The following DPRX variants were observed in gnomAD, a reference collection of about 807,000 sequenced individuals.
DPRX encodes the protein divergent paired-related homeobox.
In DPRX, 11 loss-of-function variants were observed where a neutral mutation model predicts 8.4. The ratio of observed to expected loss-of-function variants is 1.31; its 90% CI spans 0.82 to 2.17. The LOEUF (loss-of-function observed/expected upper bound fraction) is 2.17. DPRX is among the 30% of genes most tolerant of loss of function. The pLI is 0.00. For missense variants in DPRX, 211 were observed against 236.7 expected (o/e 0.89, Z 0.71); for synonymous variants, 72 against 87.0 (o/e 0.83, Z 0.96).
At chr19:53,623,907 G>A in the DPRX span, among the ~76,000 whole-genome samples, 6 of 148,748 alleles carry the variant, frequency 4.0e-5, no homozygotes, top group Non-Finnish European at 8.9e-5. Context: ...CCAAGATTGC[G>A]CCATTGCACT....
At chr19:53,627,409 G>T (rs967381899), upstream of DPRX, among the ~76,000 whole-genome samples, 1 of 150,288 alleles carries the variant, frequency 6.7e-6, no homozygotes, top group Non-Finnish European at 1.5e-5. Flanking sequence ...GAAGGACTTG[G>T]AAGGGAGAGA....
the DPRX span, chr19:53,601,157 C>T: frequency 3.8e-5 from 16 of 421,740 alleles, 2 homozygotes; most frequent in South Asian, 8.5e-5. Flanking sequence ...GCTGGGACTA[C>T]AGGCACACCC....
the DPRX span, among the ~76,000 whole-genome samples, chr19:53,620,500 T>C: frequency 6.6e-6 from 1 of 151,804 alleles, no homozygotes; most frequent in South Asian, 2.1e-4. Flanking sequence ...GCAGCTGGGA[T>C]TACAGACATG....
At chr19:53,632,445 C>CGT (rs2091096567) in intron 1 of DPRX, among the ~76,000 whole-genome samples, 2 of 148,848 alleles carry the variant, frequency 1.3e-5, no homozygotes, top group African/African-American at 5.0e-5. Flanking sequence ...GGATGACAGG[C>CGT]ACACGCCACC....
the DPRX span, chr19:53,606,894 AGCCCAAACAGT>A: frequency 6.5e-6 from 1 of 152,672 alleles, no homozygotes; most frequent in African/African-American, 2.4e-5. This position sits in a 1 kb window ranked among gnomAD's most constrained non-coding sequence, Gnocchi z 4.8. Flanking sequence ...GCCCAGCGGC[AGCCCAAACAGT>A]GCCCAAACCC....
chr19:53,614,787 T>C, the DPRX span, among the ~76,000 whole-genome samples: 1 of 151,932 alleles, frequency 6.6e-6, no homozygotes, highest in Admixed American at 6.6e-5. Flanking sequence ...AGGTCTGCAG[T>C]TCATTTGTAG....
the DPRX span, among the ~76,000 whole-genome samples, chr19:53,624,160 T>C: frequency 3.8e-5 from 5 of 130,344 alleles, no homozygotes; most frequent in Non-Finnish European, 7.9e-5. Context: ...CAATCTCGAC[T>C]CACTTCAACC....
chr19:53,632,346 G>C (rs2091095951), intron 1 of DPRX, among the ~76,000 whole-genome samples: 1 of 152,104 alleles, frequency 6.6e-6, no homozygotes, highest in Admixed American at 6.6e-5. Flanking sequence ...TGTCGCTCAG[G>C]CTGGAGTGCA....
At chr19:53,614,452 AC>A in the DPRX span, among the ~76,000 whole-genome samples, 1 of 152,054 alleles carries the variant, frequency 6.6e-6, no homozygotes, top group Non-Finnish European at 1.5e-5. Context: ...TAATCTCAAT[AC>A]TTTCAGAGGC....
At chr19:53,630,314 C>T (rs1375932912), upstream of DPRX, among the ~76,000 whole-genome samples, 2 of 151,890 alleles carry the variant, frequency 1.3e-5, no homozygotes, top group African/African-American at 4.8e-5. Context: ...AATCCCAGCA[C>T]TTTGGGAGGC....
the DPRX span, among the ~76,000 whole-genome samples, chr19:53,626,691 T>G: frequency 2.0e-5 from 3 of 151,582 alleles, no homozygotes; most frequent in African/African-American, 7.3e-5. Context: ...AGGCGTGAGG[T>G]TCTCATGGGC....
the DPRX span, among the ~76,000 whole-genome samples, chr19:53,623,310 A>AAAAAAAATAAAT: frequency 1.7e-3 from 226 of 134,014 alleles, no homozygotes; most frequent in African/African-American, 2.6e-3. Context: ...CTGTCTCAAA[A>AAAAAAAATAAAT]AAATAAATAA....
the DPRX span, among the ~76,000 whole-genome samples, chr19:53,613,838 A>G: frequency 3.3e-5 from 5 of 152,162 alleles, no homozygotes; most frequent in South Asian, 4.1e-4. Flanking sequence ...CACTTCTCCA[A>G]TGACGAAGGA....
exon 3 of DPRX, chr19:53,636,609 A>T: frequency 1.9e-6 from 3 of 1,610,704 alleles, no homozygotes; most frequent in African/African-American, 1.3e-5. Context: ...TGGTTCAAGA[A>T]TCACAGAGCA....
chr19:53,628,567 C>G (rs2091079524), upstream of DPRX, among the ~76,000 whole-genome samples: 1 of 151,710 alleles, frequency 6.6e-6, no homozygotes, highest in Non-Finnish European at 1.5e-5. Context: ...ACCACCACCT[C>G]TAGGTAGTTC....
chr19:53,624,312 C>T, the DPRX span, among the ~76,000 whole-genome samples: 1 of 147,058 alleles, frequency 6.8e-6, no homozygotes, highest in African/African-American at 2.5e-5. Context: ...TGGTCTCAAA[C>T]TCCTGACCTC....
chr19:53,633,561 G>A (rs1462461675), intron 1 of DPRX, among the ~76,000 whole-genome samples: 2 of 152,012 alleles, frequency 1.3e-5, no homozygotes, highest in Non-Finnish European at 2.9e-5. Context: ...TCAGGCTGGA[G>A]TGCAGTGGCA....
the DPRX span, chr19:53,602,311 T>TGTGTGC: frequency 6.7e-5 from 21 of 313,454 alleles, no homozygotes; most frequent in East Asian, 4.6e-4. Context: ...TGTGTGTGTG[T>TGTGTGC]GCCAGCCTCC....
At chr19:53,632,845 C>T (rs762101233) in intron 1 of DPRX, among the ~76,000 whole-genome samples, 5 of 152,158 alleles carry the variant, frequency 3.3e-5, no homozygotes, top group East Asian at 1.9e-4. Context: ...CTTCCCACCC[C>T]GATGCTTGTT....
Sources: allele counts gnomAD v4.1 joint callset (sites outside exome capture counted in the v4.1 genomes callset), GRCh38; gene constraint gnomAD v4.1.1; non-coding constraint Gnocchi (gnomAD v3.1); transcripts MANE v1.5; gene names NCBI Gene and HGNC (gene_info 2026-07-23, HGNC 2026-07-21).